The following SNX5 variants were observed in gnomAD, a reference collection of about 807,000 sequenced individuals.
SNX5 encodes the protein sorting nexin-5.
Under a neutral mutation model 53.9 loss-of-function variants are expected in SNX5, and 31 were observed. That is an observed-to-expected ratio of 0.58 (90% CI 0.43 to 0.78). The LOEUF (loss-of-function observed/expected upper bound fraction) is 0.78, where lower values mean the gene tolerates loss of function less well. SNX5 is among the 30% of genes least tolerant of loss of function. The pLI is 0.00. For missense variants in SNX5, 471 were observed against 478.8 expected, an observed-to-expected ratio of 0.98 and a Z score of 0.15; for synonymous variants, 168 against 171.1, an observed-to-expected ratio of 0.98 and a Z score of 0.14.
At chr20:17,967,813 C>T (rs1248800022) in intron 1 of SNX5, 1 of 367,720 alleles carries the variant, frequency 2.7e-6, no homozygotes, top group Admixed American at 4.6e-5. Flanking sequence ...ACACCAAGTT[C>T]AGCAAGTATT....
At position 17,954,422 on chromosome 20, in the gene SNX5, C is replaced by T. The variant is rs140465737; in HGVS notation, c.268-305G>A. On this transcript the variant is annotated intron_variant, in intron 3 of 12. Coordinates refer to ENST00000377759, the MANE Select transcript of SNX5 (RefSeq NM_014426.4). The stretch of plus-strand genomic sequence containing the variant: ...CAGTGTTCGCCTAAAACTAGTACAA[C>T]GAATGCTAAGCACCAAAGATGAGCC... Among the ~76,000 whole-genome samples, 1,377 of 152,226 alleles carry T rather than the reference C, an allele frequency of 9.0e-3. 19 individuals are homozygous for T. The highest frequency in any genetic ancestry group is 0.032 in the African/African-American group (1,335 of 41,530).
intron 2 of SNX5, 148 bp downstream of exon 2, chr20:17,956,785 C>A: frequency 2.1e-6 from 1 of 480,308 alleles, no homozygotes; most frequent in Non-Finnish European, 3.9e-6. Context: ...CTGATGCTTA[C>A]TGTGAGATAG....
chr20:17,952,089 G>C (rs1447039888), intron 5 of SNX5, among the ~76,000 whole-genome samples: 1 of 152,126 alleles, frequency 6.6e-6, no homozygotes, highest in South Asian at 2.1e-4. Flanking sequence ...CGGGTGTGGT[G>C]GTGGGCACCT....
chr20:17,951,733 C>A, intron 5 of SNX5, 138 bp from the exon 6 acceptor site: 1 of 611,824 alleles, frequency 1.6e-6, no homozygotes, highest in Non-Finnish European at 2.9e-6. Flanking sequence ...TCTGCCTTAA[C>A]CTCCAAGCTT....
In SNX5 at chr20:17,942,083, T is replaced by G. The variant is rs368804838; in HGVS notation, c.*274A>C. On this transcript the variant is annotated 3_prime_UTR_variant, in exon 13 of 13. Transcript: ENST00000377759. ...AGGCTAATGTGTCCTACACCCTTTC[T>G]TAGTAACTAAAGACGAACTACGGGA... 2.6e-6 allele frequency: 1 copy of G among 390,140 alleles called. No homozygotes were observed. Among genetic ancestry groups the G allele is most frequent in the African/African-American group, 2.1e-5 (1 of 48,170 alleles). 24.2% of individuals were successfully genotyped at this position (390,140 alleles called of 1,614,324 possible).
At position 17,949,102 on chromosome 20, in the gene SNX5, A is replaced by G. The variant is rs1174952563; in HGVS notation, c.793T>C (p.Tyr265His). Residue 265 changes from tyrosine to histidine, a missense_variant and splice_region_variant, in exon 9 of 13, where the codon TAC becomes CAC. Tyr to His is a moderately conservative substitution (Grantham distance 83). Coordinates refer to ENST00000377759, the MANE Select transcript of SNX5 (RefSeq NM_014426.4). ...ALEEPTVIKK[Y>H]LLKVAELFEK... ...AATAGCTCAGCAACCTTCAATAGGT[A>G]CCTGGAAATGTACATATAATTTTGG... 6.2e-7 allele frequency: 1 copy of G among 1,613,070 alleles called. No homozygotes were observed. The highest frequency in any genetic ancestry group is 1.7e-5 in the Admixed American group (1 of 60,012).
rs770024480 is a variant in SNX5, at chr20:17,954,064, C to T, written c.321G>A (p.Gln107=). The T allele has an allele frequency of 6.2e-7, 1 of 1,613,836 alleles. No individual in the cohort carries two copies. Among genetic ancestry groups the T allele is most frequent in the African/African-American group, 1.3e-5 (1 of 74,932 alleles). ...TAGACCCTTCACCTTCTCCCAGTTT[C>T]TGCATCTTCTCTCGAGGACCATCAA... ...PDFDGPREKM[Q]KLGEGEGSMT... Residue 107 remains glutamine, a synonymous_variant, in exon 4 of 13, where the codon CAG becomes CAA. Coordinates refer to ENST00000377759, the MANE Select transcript of SNX5 (RefSeq NM_014426.4).
chr20:17,958,076 G>C (rs1356111650), intron 1 of SNX5, among the ~76,000 whole-genome samples: 1 of 151,070 alleles, frequency 6.6e-6, no homozygotes, highest in Non-Finnish European at 1.5e-5. Context: ...AGGGAAAAGT[G>C]ACTTAAATAA....
At chr20:17,967,605 T>C (rs1291081556) in intron 1 of SNX5, 1 of 153,496 alleles carries the variant, frequency 6.5e-6, no homozygotes, top group African/African-American at 2.4e-5. Context: ...TTGACGATTC[T>C]GCAAGAAAGG....
At chr20:17,951,659 T>C in intron 5 of SNX5, 64 bp from the exon 6 acceptor site, 1 of 1,109,004 alleles carries the variant, frequency 9.0e-7, no homozygotes, top group Non-Finnish European at 1.4e-6. Context: ...CTTAAAGAAG[T>C]TCTGAGTAAC....
At chr20:17,955,618 T>A in intron 2 of SNX5, 143 bp from the exon 3 acceptor site, 1 of 594,554 alleles carries the variant, frequency 1.7e-6, no homozygotes, top group Non-Finnish European at 3.1e-6. Context: ...CATGATCTCC[T>A]GTCATGAAAG....
rs376255348 is a variant in SNX5 at position 17,947,630 on chromosome 20, G to A, written c.934C>T (p.Arg312Cys). 1.6e-5 allele frequency: 26 copies of A among 1,613,002 alleles called. No homozygotes were observed. Among genetic ancestry groups the A allele is most frequent in the Middle Eastern group, 1.7e-4 (1 of 6,050 alleles). The change falls in exon 11 of 13, where the codon CGC becomes TGC. Residue 312 changes from arginine to cysteine, a missense_variant. Physicochemically the swap from Arg to Cys is radical, Grantham distance 180. Transcript: ENST00000377759. ...TCATAGTCAATGAGGGCTTTGGTGC[G>A]TCTGTATAAGAGATCCTGGGAAAAA... ...IEAAKDLLYR[R>C]TKALIDYENS... is the part of the protein sequence containing the mutation.
Position 17,950,177 on chromosome 20 carries a change from G to T in SNX5, c.746C>A (p.Ala249Asp). The T allele has an allele frequency of 6.2e-7, 1 of 1,614,186 alleles. No homozygotes were observed. The highest frequency in any genetic ancestry group is 1.1e-5 in the South Asian group (1 of 91,084). The change falls in exon 8 of 13, where the codon GCC (alanine) becomes GAC (aspartate). Residue 249 changes from alanine (A) to aspartate (D), a missense_variant. Ala to Asp is a moderately radical substitution (Grantham distance 126). Transcript: ENST00000377759. ...TTCTAAAGCCAGGCTATGTAAGCAG[G>T]CTGCGGTGTGGATATAGTCATCGGC... is the stretch of plus-strand genomic sequence containing the variant. The part of the protein sequence containing the change: ...NVADDYIHTA[A>D]CLHSLALEEP...
chr20:17,955,929 G>A (rs2035345146), intron 2 of SNX5, among the ~76,000 whole-genome samples: 1 of 152,084 alleles, frequency 6.6e-6, no homozygotes, highest in Admixed American at 6.5e-5. Flanking sequence ...CTGAGTAGCT[G>A]GAACTACAGG....
chr20:17,950,223 C>G lies in SNX5; in HGVS notation c.716-16G>C, dbSNP rs1439160719. 3 of 1,613,974 alleles carry G rather than the reference C, an allele frequency of 1.9e-6. No individual in the cohort carries two copies. Among genetic ancestry groups the G allele is most frequent in the African/African-American group, 2.7e-5 (2 of 74,918 alleles). ...TCGGCAACATCTGCAGAAACAAGGACAAGTCTTTTTATCCAAACACAGCCA... is the reference window on the plus strand; with the variant it reads ...TCGGCAACATCTGCAGAAACAAGGAGAAGTCTTTTTATCCAAACACAGCCA... On this transcript the variant is annotated splice_polypyrimidine_tract_variant and intron_variant, in intron 7 of 12. Transcript: ENST00000377759.
chr20:17,943,167 C>T lies in SNX5; in HGVS notation c.1107G>A (p.Val369=), dbSNP rs775569544. 21 of 1,609,874 alleles carry T rather than the reference C, an allele frequency of 1.3e-5. No individual in the cohort carries two copies. The South Asian group carries it at 2.0e-4, about 15-fold the overall frequency. ...CAATTAGATTCTTTCTAAATGCTGC[C>T]ACTCTCTTCCGTTTGAAATTTATCA... ...EELINFKRKR[V]AAFRKNLIEM... is the part of the protein sequence containing the mutation. Residue 369 remains valine, a synonymous_variant, in exon 12 of 13, where the codon GTG becomes GTA. Coordinates refer to ENST00000377759, the MANE Select transcript of SNX5 (RefSeq NM_014426.4).
chr20:17,953,807 T>C (rs892248815), intron 4 of SNX5, among the ~76,000 whole-genome samples, 189 bp downstream of exon 4: 1 of 152,228 alleles, frequency 6.6e-6, no homozygotes, highest in Non-Finnish European at 1.5e-5. Context: ...AATGAATCAA[T>C]GTGTGAAGTA....
chr20:17,952,131 G>A (rs977607928), intron 5 of SNX5, among the ~76,000 whole-genome samples: 5 of 152,148 alleles, frequency 3.3e-5, no homozygotes, highest in African/African-American at 1.2e-4. Flanking sequence ...GCTGAGGCAG[G>A]AGAATGGCGT....
In SNX5 at chr20:17,968,383, G is replaced by C; in HGVS notation, c.43C>G (p.Arg15Gly). Reference sequence around the variant, plus strand: ...GGCTGGGAGGACCTCACCTTGCTGCGGTCCTCCTCCTGCTGCTGCAGCAAC... The same window carrying C: ...GGCTGGGAGGACCTCACCTTGCTGCCGTCCTCCTCCTGCTGCTGCAGCAAC... ...PELLQQQEED[R>G]SKLRSVSVDL... is the part of the protein sequence containing the mutation. The change falls in exon 1 of 13, where the codon CGC becomes GGC. Residue 15 changes from arginine (R) to glycine (G), a missense_variant. Transcript: ENST00000377759. The C allele has an allele frequency of 2.3e-6, 3 of 1,277,282 alleles. No homozygotes were observed. Among genetic ancestry groups the C allele is most frequent in the South Asian group, 3.2e-5 (1 of 31,580 alleles). The allele number at this position is 1,277,282 out of a possible 1,614,324, so 79.1% of individuals were successfully genotyped here.
Sources: allele counts gnomAD v4.1 joint callset (sites outside exome capture counted in the v4.1 genomes callset), GRCh38; gene constraint gnomAD v4.1.1; transcripts MANE v1.5; gene names NCBI Gene and HGNC (gene_info 2026-07-23, HGNC 2026-07-21).